DLG2: variants seen among roughly 807,000 people sequenced by gnomAD.
DLG2 encodes the protein discs large MAGUK scaffold protein 2.
In DLG2, 45 loss-of-function variants were observed where a neutral mutation model predicts 132.5. The ratio of observed to expected loss-of-function variants is 0.34; its 90% confidence interval spans 0.27 to 0.44. The LOEUF (loss-of-function observed/expected upper bound fraction) is 0.44. Among genes scored for constraint, DLG2 ranks in the 20% least tolerant of loss-of-function variants. The pLI is 1.00. For synonymous variants in DLG2, 424 were observed against 419.6 expected (o/e 1.01, Z -0.13); for missense variants, 1,045 against 1,196.9 (o/e 0.87, Z 1.87).
intron 6 of DLG2, among the ~76,000 whole-genome samples, chr11:84,579,358 C>A (rs1253020928): frequency 1.3e-5 from 2 of 151,970 alleles, no homozygotes; most frequent in Non-Finnish European, 2.9e-5. Context: ...ATACACAGTG[C>A]CAAAAGTTTA....
chr11:85,468,251 T>C (rs1437984039), intron 3 of DLG2, among the ~76,000 whole-genome samples: 1 of 152,186 alleles, frequency 6.6e-6, no homozygotes, highest in Non-Finnish European at 1.5e-5. Flanking sequence ...GTTGATCTTT[T>C]CAAAAAACCA....
At chr11:85,573,210 T>G (rs2077951322) in intron 3 of DLG2, among the ~76,000 whole-genome samples, 1 of 152,202 alleles carries the variant, frequency 6.6e-6, no homozygotes, top group Admixed American at 6.5e-5. Context: ...TCTCTCATTA[T>G]AAATTACCCA....
chr11:84,587,405 C>A (rs774651280), intron 6 of DLG2, among the ~76,000 whole-genome samples: 2 of 152,088 alleles, frequency 1.3e-5, no homozygotes, highest in Non-Finnish European at 2.9e-5. Flanking sequence ...ATTCCCATGA[C>A]CCCTGAGCCA....
At chr11:85,444,757 T>G (rs2091933410) in intron 3 of DLG2, among the ~76,000 whole-genome samples, 1 of 152,244 alleles carries the variant, frequency 6.6e-6, no homozygotes, top group Non-Finnish European at 1.5e-5. Context: ...TGATTTTGCA[T>G]AACTATGCTT....
intron 6 of DLG2, among the ~76,000 whole-genome samples, chr11:84,587,338 A>C (rs2099532164): frequency 6.6e-6 from 1 of 152,166 alleles, no homozygotes; most frequent in African/African-American, 2.4e-5. Flanking sequence ...TTCTGATGAA[A>C]AGAAGGTACC....
intron 16 of DLG2, among the ~76,000 whole-genome samples, chr11:83,866,359 A>C (rs2062376026): frequency 6.6e-6 from 1 of 152,182 alleles, no homozygotes; most frequent in South Asian, 2.1e-4. Context: ...TGATAGTTTA[A>C]GCAACTAAAT....
At chr11:84,553,092 C>G (rs1293614679) in intron 6 of DLG2, among the ~76,000 whole-genome samples, 1 of 152,146 alleles carries the variant, frequency 6.6e-6, no homozygotes, top group Non-Finnish European at 1.5e-5. Context: ...TGATGCTTCC[C>G]AAATCACAGG....
chr11:85,151,223 T>C (rs958295754), intron 5 of DLG2, among the ~76,000 whole-genome samples: 2 of 152,196 alleles, frequency 1.3e-5, no homozygotes, highest in Admixed American at 1.3e-4. Context: ...ACTTGTTATT[T>C]GTTGTTGAGT....
chr11:84,701,175 C>A (rs2059185622), intron 6 of DLG2, among the ~76,000 whole-genome samples: 1 of 151,522 alleles, frequency 6.6e-6, no homozygotes, highest in Non-Finnish European at 1.5e-5. Flanking sequence ...CAAGCCATTT[C>A]TCTTACTTCC....
intron 9 of DLG2, among the ~76,000 whole-genome samples, chr11:84,126,597 T>C (rs1265870759): frequency 1.3e-5 from 2 of 152,146 alleles, no homozygotes; most frequent in East Asian, 1.9e-4. Context: ...GGTGTATATA[T>C]ATCGATTTCA....
At chr11:83,599,851 T>C (rs745673652) in intron 19 of DLG2, among the ~76,000 whole-genome samples, 5 of 152,232 alleles carry the variant, frequency 3.3e-5, no homozygotes, top group Non-Finnish European at 7.3e-5. Flanking sequence ...AGAACTAAAC[T>C]AATGTTAAAT....
intron 6 of DLG2, among the ~76,000 whole-genome samples, chr11:84,965,724 G>C (rs1222321304): frequency 2.0e-5 from 3 of 152,074 alleles, no homozygotes; most frequent in Admixed American, 1.3e-4. Flanking sequence ...ACTAGAGGTA[G>C]TCTCTCCAGC....
intron 6 of DLG2, among the ~76,000 whole-genome samples, chr11:84,996,599 G>T (rs909608647): frequency 2.0e-5 from 3 of 152,044 alleles, no homozygotes; most frequent in Non-Finnish European, 2.9e-5. Flanking sequence ...TTTTTATAAT[G>T]TCCTATAGCA....
chr11:83,652,173 C>T (rs2070743434), intron 18 of DLG2, among the ~76,000 whole-genome samples: 1 of 152,026 alleles, frequency 6.6e-6, no homozygotes. Flanking sequence ...GCAACTGGAC[C>T]CCAGCTTGGA....
At chr11:83,900,843 T>C (rs1352204634) in intron 15 of DLG2, among the ~76,000 whole-genome samples, 2 of 152,050 alleles carry the variant, frequency 1.3e-5, no homozygotes, top group Non-Finnish European at 2.9e-5. Context: ...GAATGGTAGA[T>C]CCACTGACAG....
intron 20 of DLG2, among the ~76,000 whole-genome samples, chr11:83,535,411 A>G (rs1007307659): frequency 3.3e-5 from 5 of 152,176 alleles, no homozygotes; most frequent in African/African-American, 1.2e-4. Flanking sequence ...CAACTCTCAG[A>G]ACTGTTTGGA....
intron 19 of DLG2, among the ~76,000 whole-genome samples, chr11:83,542,320 T>A (rs2096096522): frequency 6.6e-6 from 1 of 152,196 alleles, no homozygotes; most frequent in Non-Finnish European, 1.5e-5. Context: ...AACTGTTTCT[T>A]TTATAATGGG....
chr11:85,045,835 G>A (rs1043693015), intron 6 of DLG2, among the ~76,000 whole-genome samples: 11 of 152,040 alleles, frequency 7.2e-5, no homozygotes, highest in African/African-American at 2.4e-4. Context: ...AGGCATTTTG[G>A]AAGAGAAGAA....
chr11:83,579,095 C>G (rs2096927955), intron 19 of DLG2, among the ~76,000 whole-genome samples: 1 of 152,230 alleles, frequency 6.6e-6, no homozygotes, highest in Non-Finnish European at 1.5e-5. Flanking sequence ...GAAGAGGCTT[C>G]CACTAACCTC....
Sources: gnomAD v4.1 joint callset for allele counts (sites outside exome capture counted in the v4.1 genomes callset) on GRCh38, gnomAD v4.1.1 for gene constraint, MANE v1.5 for transcripts, NCBI Gene and HGNC (gene_info 2026-07-23, HGNC 2026-07-21) for gene names.